Variants in PSD3 observed in about 807,000 individuals in gnomAD.
The protein encoded by PSD3 is pleckstrin and Sec7 domain containing 3, also known as PH and SEC7 domain-containing protein 3.
Under a neutral mutation model 105.5 loss-of-function variants are expected in PSD3, and 49 were observed. That is an observed-to-expected ratio of 0.46 (90% CI 0.37 to 0.59). PSD3 has a LOEUF of 0.59. PSD3 is among the 20% of genes least tolerant of loss of function. The probability of loss-of-function intolerance (pLI) is 0.00; values close to 1 mark genes in which losing one functional copy is unlikely to be tolerated. For synonymous variants in PSD3, 557 were observed against 457.8 expected, an observed-to-expected ratio of 1.22 and a Z score of -2.77; for missense variants, 1,561 against 1,263.8, an observed-to-expected ratio of 1.24 and a Z score of -3.57.
chr8:18,890,715 T>C (rs1586341067), intron 2 of PSD3, among the ~76,000 whole-genome samples: 1 of 151,784 alleles, frequency 6.6e-6, no homozygotes, highest in Middle Eastern at 3.4e-3. Flanking sequence ...ACTTCACAGA[T>C]GAACAAAGTA....
intron 2 of PSD3, among the ~76,000 whole-genome samples, chr8:18,919,246 G>C (rs1340039329): frequency 1.3e-5 from 2 of 152,222 alleles, no homozygotes; most frequent in Middle Eastern, 3.4e-3. Context: ...CTCCTTGATA[G>C]AGAAACGCCA....
At chr8:18,928,671 T>TCTTC (rs1201386629) in intron 2 of PSD3, among the ~76,000 whole-genome samples, 2 of 152,116 alleles carry the variant, frequency 1.3e-5, no homozygotes, top group Non-Finnish European at 2.9e-5. Flanking sequence ...TCTCTCTCTT[T>TCTTC]CTTCCTTCCT....
At position 18,600,302 on chromosome 8, in the gene PSD3, T is replaced by C. The variant is rs6987642; in HGVS notation, c.2481+62A>G. 2,312 of 1,408,884 alleles carry C rather than the reference T, an allele frequency of 1.6e-3. 34 individuals are homozygous for C. In the African/African-American group the frequency reaches 0.028, roughly 17 times the overall value. The allele number at this position is 1,408,884 out of a possible 1,614,324, so 87.3% of individuals were successfully genotyped here. On this transcript the variant is annotated intron_variant, in intron 12 of 15. Coordinates refer to ENST00000327040, the MANE Select transcript of PSD3 (RefSeq NM_015310.4). ...TAAGGGAGACTACCGTACATACATA[T>C]ACTGGACCTCATGTAATTATTTCAT...
chr8:18,965,062 C>A (rs1479948771), intron 1 of PSD3, among the ~76,000 whole-genome samples: 1 of 152,134 alleles, frequency 6.6e-6, no homozygotes, highest in Non-Finnish European at 1.5e-5. Context: ...TAACTCATTG[C>A]TTAGAATATG....
intron 9 of PSD3, among the ~76,000 whole-genome samples, chr8:18,746,933 T>C (rs760982808): frequency 2.6e-5 from 4 of 152,234 alleles, no homozygotes; most frequent in African/African-American, 4.8e-5. Context: ...CTGAAAGAAA[T>C]GCCCTTAGGC....
rs115857772 is a variant in PSD3, at chr8:18,610,341, G to A, written c.2411-9907C>T. On this transcript the variant is annotated intron_variant, in intron 11 of 15. Coordinates refer to ENST00000327040, the MANE Select transcript of PSD3 (RefSeq NM_015310.4). The stretch of plus-strand genomic sequence containing the variant: ...ACCTGAGTCTTGGCCAATCCCAGTG[G>A]TTGTACTTCAACCACTCATACACTG... Among the ~76,000 whole-genome samples, 819 of 152,280 alleles carry A rather than the reference G, an allele frequency of 5.4e-3. 7 individuals carry two copies. Among genetic ancestry groups the A allele is most frequent in the African/African-American group, 0.019 (797 of 41,548 alleles).
intron 9 of PSD3, among the ~76,000 whole-genome samples, chr8:18,722,292 G>A (rs962751485): frequency 3.3e-5 from 5 of 152,120 alleles, no homozygotes; most frequent in Non-Finnish European, 7.4e-5. Flanking sequence ...CTTTTTTAAA[G>A]CAGCAGCACT....
upstream of PSD3, among the ~76,000 whole-genome samples, chr8:19,015,437 A>C (rs1379736414): frequency 6.6e-6 from 1 of 152,218 alleles, no homozygotes; most frequent in Non-Finnish European, 1.5e-5. Context: ...CCTTGCGTAC[A>C]TACCCTACAG....
chr8:18,820,314 G>T (rs1405883768), intron 4 of PSD3, among the ~76,000 whole-genome samples: 1 of 151,390 alleles, frequency 6.6e-6, no homozygotes, highest in African/African-American at 2.4e-5. Flanking sequence ...TTAAGATACT[G>T]ACTTATCTCC....
chr8:18,739,391 C>T (rs17127144), intron 9 of PSD3, among the ~76,000 whole-genome samples: 5,392 of 152,176 alleles, frequency 0.035, 216 homozygotes, highest in East Asian at 0.15. Context: ...AACAAGAGGC[C>T]GGGCAAACCT....
Position 18,557,218 on chromosome 8 carries a change from A to C in PSD3, c.2785-866T>G, listed in dbSNP as rs144942060. On this transcript the variant is annotated intron_variant, in intron 14 of 15. Transcript: ENST00000327040. ...TCTAGTTTCACATGCAAATTATCCA[A>C]ATTTCACAGGTACAATAAGATAAAT... Among the ~76,000 whole-genome samples, 523 of 152,332 alleles carry C rather than the reference A, an allele frequency of 3.4e-3. 4 individuals are homozygous for C. Among genetic ancestry groups the C allele is most frequent in the African/African-American group, 0.012 (501 of 41,572 alleles).
intron 6 of PSD3, 100 bp downstream of exon 6, chr8:18,804,422 T>A (rs1811008843): frequency 4.3e-6 from 4 of 938,188 alleles, no homozygotes; most frequent in South Asian, 3.8e-5. Flanking sequence ...CATGGAGGTT[T>A]AAAAAAAAAA....
At chr8:18,925,744 AACT>A (rs1409028876) in intron 2 of PSD3, among the ~76,000 whole-genome samples, 2 of 152,138 alleles carry the variant, frequency 1.3e-5, no homozygotes, top group African/African-American at 4.8e-5. Flanking sequence ...CGAAGTCAAA[AACT>A]ACTGTTAACG....
In PSD3 at chr8:18,836,888, T is replaced by C. The variant is rs374259213; in HGVS notation, c.1634+30786A>G. Among the ~76,000 whole-genome samples the C allele has an allele frequency of 1.1e-3, 152 of 142,936 alleles. 2 individuals carry two copies. Among genetic ancestry groups the C allele is most frequent in the African/African-American group, 3.7e-3 (143 of 39,112 alleles). 93.8% of individuals were successfully genotyped at this position (142,936 alleles called of 152,430 possible). On this transcript the variant is annotated intron_variant, in intron 4 of 15. Coordinates refer to ENST00000327040, the MANE Select transcript of PSD3 (RefSeq NM_015310.4). Reference sequence around the variant, plus strand: ...GATCCACAGTTGGTTTAATGCGATGTGGAACTCACAGATACCAGGGCTGAC... The same window carrying C: ...GATCCACAGTTGGTTTAATGCGATGCGGAACTCACAGATACCAGGGCTGAC...
intron 1 of PSD3, among the ~76,000 whole-genome samples, chr8:19,047,407 C>G (rs560521632): frequency 1.3e-5 from 2 of 152,244 alleles, no homozygotes; most frequent in African/African-American, 4.8e-5. Flanking sequence ...ATCCTCTAGT[C>G]AGATGATAAA....
intron 13 of PSD3, among the ~76,000 whole-genome samples, 172 bp downstream of exon 13, chr8:18,574,955 TC>T (rs146336242): frequency 0.085 from 12,930 of 151,980 alleles, 766 homozygotes; most frequent in African/African-American, 0.17. Context: ...ATCCTGGGTT[TC>T]TATTTTTTTT....
At chr8:18,592,819 C>T (rs370416993) in intron 12 of PSD3, among the ~76,000 whole-genome samples, 2 of 152,214 alleles carry the variant, frequency 1.3e-5, no homozygotes, top group Non-Finnish European at 2.9e-5. Flanking sequence ...AATAACACCA[C>T]CCATCTACAA....
chr8:18,568,010 G>A (rs992704468), intron 14 of PSD3, among the ~76,000 whole-genome samples: 1 of 152,104 alleles, frequency 6.6e-6, no homozygotes, highest in Non-Finnish European at 1.5e-5. Flanking sequence ...AAAGAGCCTG[G>A]CACTTTCCCT....
At chr8:18,693,350 C>A (rs570311098) in intron 9 of PSD3, among the ~76,000 whole-genome samples, 2 of 152,300 alleles carry the variant, frequency 1.3e-5, no homozygotes, top group South Asian at 2.1e-4. Context: ...GGCAGCAAAG[C>A]GCAATGGCTA....
Sources: gnomAD v4.1 joint callset for allele counts (sites outside exome capture counted in the v4.1 genomes callset) on GRCh38, gnomAD v4.1.1 for gene constraint, MANE v1.5 for transcripts, NCBI Gene and HGNC (gene_info 2026-07-23, HGNC 2026-07-21) for gene names.